The following CACNA2D3 variants were observed in gnomAD, a reference collection of about 807,000 sequenced individuals.
The protein encoded by CACNA2D3 is voltage-dependent calcium channel subunit alpha-2/delta-3.
Under a neutral mutation model 160.6 loss-of-function variants are expected in CACNA2D3, and 60 were observed. That is an observed-to-expected ratio of 0.37 (90% CI 0.30 to 0.46). CACNA2D3 has a LOEUF of 0.46. CACNA2D3 is among the 20% of genes least tolerant of loss of function. The pLI, the probability that CACNA2D3 is intolerant of heterozygous loss-of-function variation, is 1.00. For synonymous variants in CACNA2D3, 558 were observed against 492.9 expected (o/e 1.13, Z -1.75); for missense variants, 1,205 against 1,365.0 (o/e 0.88, Z 1.85).
At chr3:54,265,442 G>A (rs1165987194) in intron 2 of CACNA2D3, among the ~76,000 whole-genome samples, 1 of 151,862 alleles carries the variant, frequency 6.6e-6, no homozygotes, top group African/African-American at 2.4e-5. Flanking sequence ...GTAGATGACG[G>A]GTTGATGGGT....
intron 13 of CACNA2D3, among the ~76,000 whole-genome samples, chr3:54,803,485 C>A (rs143067655): frequency 6.6e-6 from 1 of 151,282 alleles, no homozygotes; most frequent in Non-Finnish European, 1.5e-5. Flanking sequence ...ATGAATGAAG[C>A]GAGAAGGGAA....
intron 9 of CACNA2D3, among the ~76,000 whole-genome samples, chr3:54,614,974 G>A (rs1037353372): frequency 2.6e-5 from 4 of 152,116 alleles, no homozygotes; most frequent in Non-Finnish European, 5.9e-5. Flanking sequence ...AAAGAAAAAG[G>A]GTGTGGGAGA....
chr3:54,265,063 A>G (rs558348109), intron 2 of CACNA2D3, among the ~76,000 whole-genome samples: 2 of 152,284 alleles, frequency 1.3e-5, no homozygotes, highest in East Asian at 1.9e-4. Context: ...ATGTGTCTTT[A>G]TAGTAGAATG....
At chr3:54,857,871 C>G (rs1261817497) in intron 17 of CACNA2D3, among the ~76,000 whole-genome samples, 1 of 152,134 alleles carries the variant, frequency 6.6e-6, no homozygotes, top group African/African-American at 2.4e-5. Flanking sequence ...AACACACCAG[C>G]CTGCTTGGAG....
intron 4 of CACNA2D3, among the ~76,000 whole-genome samples, chr3:54,494,859 G>GGGGC (rs1258728507): frequency 2.0e-5 from 3 of 152,094 alleles, no homozygotes; most frequent in Non-Finnish European, 4.4e-5. Flanking sequence ...CAAGCATGAA[G>GGGGC]GGGCATACTT....
chr3:54,672,308 G>A (rs1165955997), intron 11 of CACNA2D3, among the ~76,000 whole-genome samples: 3 of 152,216 alleles, frequency 2.0e-5, no homozygotes, highest in Non-Finnish European at 4.4e-5. Flanking sequence ...AGGGAAAGCA[G>A]GAATGCTGTG....
At chr3:54,641,735 A>T (rs1230207086) in intron 10 of CACNA2D3, among the ~76,000 whole-genome samples, 1 of 152,148 alleles carries the variant, frequency 6.6e-6, no homozygotes, top group Admixed American at 6.5e-5. Flanking sequence ...CTGTTTTGTC[A>T]GTCTTATGAT....
chr3:54,174,240 C>A (rs1180635916), intron 2 of CACNA2D3, among the ~76,000 whole-genome samples: 2 of 152,144 alleles, frequency 1.3e-5, no homozygotes. Context: ...GTAGGATGTG[C>A]TAAGTGCTGC....
intron 3 of CACNA2D3, among the ~76,000 whole-genome samples, chr3:54,326,119 G>A (rs568760578): frequency 2.0e-5 from 3 of 152,284 alleles, no homozygotes; most frequent in South Asian, 4.2e-4. Flanking sequence ...TCAGTCCACC[G>A]ATAGGGGTTT....
At chr3:54,677,755 T>C (rs1559546686) in intron 11 of CACNA2D3, among the ~76,000 whole-genome samples, 1 of 152,128 alleles carries the variant, frequency 6.6e-6, no homozygotes, top group Admixed American at 6.5e-5. Context: ...GTCAAGTCTC[T>C]GAACCAAAGA....
At chr3:55,052,559 C>G (rs193020523) in intron 35 of CACNA2D3, among the ~76,000 whole-genome samples, 102 of 151,994 alleles carry the variant, frequency 6.7e-4, no homozygotes, top group Admixed American at 2.2e-3. Flanking sequence ...TCTACTTTTT[C>G]TGTTCATTAC....
chr3:54,353,333 G>T (rs1189622716), intron 3 of CACNA2D3, among the ~76,000 whole-genome samples: 1 of 152,182 alleles, frequency 6.6e-6, no homozygotes, highest in Non-Finnish European at 1.5e-5. Flanking sequence ...CTTATGGTTT[G>T]TATCCAGCAG....
At chr3:54,918,351 T>TGTA in intron 27 of CACNA2D3, 1 of 434,988 alleles carries the variant, frequency 2.3e-6, no homozygotes, top group Non-Finnish European at 3.7e-6. Context: ...TTTTTTTTTT[T>TGTA]TTTTGTCTTT....
At chr3:54,737,267 A>G (rs546669993) in intron 11 of CACNA2D3, among the ~76,000 whole-genome samples, 1 of 151,904 alleles carries the variant, frequency 6.6e-6, no homozygotes, top group South Asian at 2.1e-4. Context: ...ACTGTAAATT[A>G]CACCATGTGC....
intron 2 of CACNA2D3, among the ~76,000 whole-genome samples, chr3:54,265,584 A>G (rs903487563): frequency 2.8e-5 from 4 of 144,778 alleles, no homozygotes; most frequent in Non-Finnish European, 6.0e-5. Flanking sequence ...TAGTGTGTGT[A>G]TATATATATA....
intron 10 of CACNA2D3, among the ~76,000 whole-genome samples, chr3:54,629,656 C>T (rs1326553457): frequency 6.6e-6 from 1 of 152,192 alleles, no homozygotes; most frequent in African/African-American, 2.4e-5. Flanking sequence ...GTTTTAGTGA[C>T]ACAGCCGGCG....
At chr3:54,889,497 G>C (rs1700005421) in intron 24 of CACNA2D3, among the ~76,000 whole-genome samples, 1 of 152,116 alleles carries the variant, frequency 6.6e-6, no homozygotes, top group African/African-American at 2.4e-5. Flanking sequence ...TAGGGAGGTT[G>C]AGCCATCAAG....
At chr3:54,473,119 C>G (rs912598064) in intron 4 of CACNA2D3, among the ~76,000 whole-genome samples, 1 of 152,134 alleles carries the variant, frequency 6.6e-6, no homozygotes, top group Non-Finnish European at 1.5e-5. Context: ...ATCATGCTAC[C>G]TTACTTCAAA....
intron 17 of CACNA2D3, among the ~76,000 whole-genome samples, chr3:54,863,766 A>G (rs1481649313): frequency 1.3e-5 from 2 of 152,180 alleles, no homozygotes; most frequent in Non-Finnish European, 1.5e-5. Context: ...AGCGATCAAA[A>G]GGATTTTGTA....
Sources: allele counts gnomAD v4.1 joint callset (sites outside exome capture counted in the v4.1 genomes callset), GRCh38; gene constraint gnomAD v4.1.1; transcripts MANE v1.5; gene names NCBI Gene and HGNC (gene_info 2026-07-23, HGNC 2026-07-21).